The following RPS6KB2 variants were observed in gnomAD, a reference collection of about 807,000 sequenced individuals.
RPS6KB2 encodes ribosomal protein S6 kinase beta-2.
Under a neutral mutation model 58.2 loss-of-function variants are expected in RPS6KB2, and 51 were observed. The observed-to-expected ratio is 0.88, with a 90% CI of 0.70 to 1.11. The LOEUF (loss-of-function observed/expected upper bound fraction) is 1.11. Ranked by LOEUF, RPS6KB2 falls within the 50% of genes least tolerant of loss-of-function variation. RPS6KB2 has a pLI of 0.00. For synonymous variants in RPS6KB2, 293 were observed against 258.6 expected, an observed-to-expected ratio of 1.13 and a Z score of -1.28; for missense variants, 671 against 655.8, an observed-to-expected ratio of 1.02 and a Z score of -0.25.
chr11:67,428,565 T>C lies in RPS6KB2; in HGVS notation c.20T>C (p.Leu7Ser). 1.2e-6 allele frequency: 2 copies of C among 1,610,700 alleles called. No individual in the cohort carries two copies. Among genetic ancestry groups the C allele is most frequent in the East Asian group, 4.5e-5 (2 of 44,824 alleles). The change falls in exon 1 of 15, where the codon TTG becomes TCG. Residue 7 changes from leucine to serine, a missense_variant. Transcript: ENST00000312629. ...GCCGCCATGGCGGCCGTGTTTGATT[T>C]GGATTTGGAGACGGAGGAAGGCAGC... MAAVFD[L>S]DLETEEGSEG...
intron 1 of RPS6KB2, 103 bp downstream of exon 1, chr11:67,428,726 T>C (rs912182453): frequency 2.6e-6 from 3 of 1,134,346 alleles, no homozygotes; most frequent in Non-Finnish European, 2.5e-6. Context: ...TCCGACTCTT[T>C]GCAGACCCAG....
intron 4 of RPS6KB2, chr11:67,431,137 A>G (rs1864007552): frequency 2.9e-6 from 1 of 343,204 alleles, no homozygotes. Context: ...GGTTCAAGCG[A>G]TTCTCCTGCC....
intron 1 of RPS6KB2, 94 bp from the exon 2 acceptor site, chr11:67,428,888 C>A: frequency 6.9e-7 from 1 of 1,440,280 alleles, no homozygotes; most frequent in Non-Finnish European, 9.8e-7. Context: ...CCATCCCTGA[C>A]ACCCTTCTCT....
chr11:67,431,825 T>C (rs1198573494), intron 5 of RPS6KB2: 1 of 342,888 alleles, frequency 2.9e-6, no homozygotes, highest in Non-Finnish European at 5.5e-6. Flanking sequence ...TGTTCTTCTC[T>C]CCCGTGTGCC....
chr11:67,433,007 C>A lies in RPS6KB2; in HGVS notation c.672C>A (p.Ala224=). The A allele has an allele frequency of 6.2e-7, 1 of 1,613,422 alleles. No homozygotes were observed. The highest frequency in any genetic ancestry group is 1.7e-5 in the Admixed American group (1 of 60,026). The change falls in exon 8 of 15, where the codon GCC becomes GCA. Residue 224 remains alanine, a synonymous_variant. Coordinates refer to ENST00000312629, the MANE Select transcript of RPS6KB2 (RefSeq NM_003952.3). ...GLCKESIHEG[A]VTHTFCGTIE... ...GCAAGGAGTCTATCCATGAGGGCGC[C>A]GTCACTCACACCTTCTGCGGCACCA... is the stretch of plus-strand genomic sequence containing the variant.
chr11:67,430,638 TG>T (rs1434382490), intron 4 of RPS6KB2: 17 of 152,288 alleles, frequency 1.1e-4, no homozygotes, highest in African/African-American at 3.9e-4. Context: ...TTCACCATGT[TG>T]GTCAGGCTGG....
chr11:67,433,240 G>C, intron 9 of RPS6KB2, 24 bp downstream of exon 9: 2 of 1,607,390 alleles, frequency 1.2e-6, no homozygotes, highest in Non-Finnish European at 1.7e-6. Context: ...CCGGGGAGGA[G>C]GAGGGGCAGG....
At chr11:67,433,063 C>T (rs762563706) in intron 8 of RPS6KB2, 21 bp downstream of exon 8, 3 of 1,612,762 alleles carry the variant, frequency 1.9e-6, no homozygotes, top group East Asian at 2.2e-5. Flanking sequence ...CCTGGCTGGC[C>T]CAGGGGTCGG....
Position 67,434,298 on chromosome 11 carries a change from A to G in RPS6KB2, c.1047+23A>G, listed in dbSNP as rs544872934. Reference sequence around the variant, plus strand: ...CTGGTGAGCAGCAGGGCTGGTGGCCAGTGGCCGGTGGCGGGTGGCAAGTGG... The same window carrying G: ...CTGGTGAGCAGCAGGGCTGGTGGCCGGTGGCCGGTGGCGGGTGGCAAGTGG... On this transcript the variant is annotated intron_variant, in intron 12 of 14. Transcript: ENST00000312629. The G allele has an allele frequency of 5.5e-5, 88 of 1,612,498 alleles. No homozygotes were observed. In the South Asian group the frequency reaches 6.4e-4, roughly 12 times the overall value.
At chr11:67,432,503 A>T (rs1419491281) in intron 5 of RPS6KB2, 97 bp from the exon 6 acceptor site, 5 of 1,323,170 alleles carry the variant, frequency 3.8e-6, no homozygotes, top group Non-Finnish European at 5.4e-6. Context: ...GTAGGGCGGG[A>T]ATTATGAGCC....
At chr11:67,428,670 C>A in intron 1 of RPS6KB2, 47 bp downstream of exon 1, 1 of 1,550,982 alleles carries the variant, frequency 6.4e-7, no homozygotes, top group Non-Finnish European at 8.8e-7. Flanking sequence ...CCGATCCTGT[C>A]ACCCAGCCGA....
chr11:67,433,951 A>G (rs1369707900), intron 10 of RPS6KB2, 44 bp from the exon 11 acceptor site: 2 of 1,609,462 alleles, frequency 1.2e-6, no homozygotes, highest in Non-Finnish European at 1.7e-6. Context: ...GGGACACATG[A>G]GCAGTACTTG....
chr11:67,433,184 G>A lies in RPS6KB2; in HGVS notation c.766G>A (p.Gly256Arg). The A allele has an allele frequency of 6.2e-7, 1 of 1,605,712 alleles. No homozygotes were observed. The highest frequency in any genetic ancestry group is 8.5e-7 in the Non-Finnish European group (1 of 1,178,080). Residue 256 changes from glycine (G) to arginine (R), a missense_variant, in exon 9 of 15, where the codon GGG (glycine) becomes AGG (arginine). Gly to Arg is a moderately radical substitution (Grantham distance 125). Coordinates refer to ENST00000312629, the MANE Select transcript of RPS6KB2 (RefSeq NM_003952.3). Reference protein sequence around the residue: ...HNRAVDWWSLGALMYDMLTGS... With the variant: ...HNRAVDWWSLRALMYDMLTGS... ...CCGGGCTGTGGACTGGTGGAGCCTG[G>A]GGGCCCTGATGTACGACATGCTCAC... is the stretch of plus-strand genomic sequence containing the variant.
chr11:67,432,438 G>A lies in RPS6KB2; in HGVS notation c.458-162G>A, dbSNP rs11558386. On this transcript the variant is annotated intron_variant, in intron 5 of 14. Coordinates refer to ENST00000312629, the MANE Select transcript of RPS6KB2 (RefSeq NM_003952.3). ...GCACAGGGCCAGGCACCGAGTAGGC[G>A]TCGGTAGATGTTTGCTGAATTGAAT... The A allele has an allele frequency of 2.0e-4, 155 of 771,660 alleles. No individual in the cohort carries two copies. In the African/African-American group the frequency reaches 2.1e-3, roughly 10 times the overall value. The allele number at this position is 771,660 out of a possible 1,614,324, so 47.8% of individuals were successfully genotyped here.
chr11:67,434,802 G>A (rs998286913), intron 14 of RPS6KB2, 108 bp downstream of exon 14: 23 of 1,045,180 alleles, frequency 2.2e-5, no homozygotes, highest in Admixed American at 1.7e-4. Context: ...TGTTGGCTTC[G>A]GTTGCTGTGT....
rs886753948 is a variant in RPS6KB2 at position 67,434,249 on chromosome 11, G to A, written c.1021G>A (p.Val341Met). The A allele has an allele frequency of 5.0e-6, 8 of 1,613,674 alleles. No individual in the cohort carries two copies. In the Admixed American group the frequency reaches 5.0e-5, roughly 10 times the overall value. ...MNWDDLLAWRVDPPFRPCLQS... is the reference protein window; with the variant it reads ...MNWDDLLAWRMDPPFRPCLQS... ...TTGGGACGACCTTCTGGCCTGGCGT[G>A]TGGACCCCCCTTTCAGGCCCTGTCT... The change falls in exon 12 of 15, where the codon GTG becomes ATG. Residue 341 changes from valine (V) to methionine (M), a missense_variant. By Grantham distance (21) the Val-to-Met change is conservative. Coordinates refer to ENST00000312629, the MANE Select transcript of RPS6KB2 (RefSeq NM_003952.3).
At chr11:67,431,829 G>A (rs1014298969) in intron 5 of RPS6KB2, 16 of 334,972 alleles carry the variant, frequency 4.8e-5, no homozygotes, top group African/African-American at 8.6e-5. Flanking sequence ...CTTCTCTCCC[G>A]TGTGCCCTGC....
intron 5 of RPS6KB2, chr11:67,432,281 T>C: frequency 1.7e-6 from 1 of 595,792 alleles, no homozygotes; most frequent in Non-Finnish European, 3.2e-6. Flanking sequence ...CGAGATCTTT[T>C]GGGCTAAGCT....
chr11:67,428,515 G>A lies in RPS6KB2; in HGVS notation c.-31G>A, dbSNP rs376061064. ...TGTCAGTCAGTGCGCGGCCAGGTAC[G>A]GGCCGACGGGCCCGCGGGGCCGGCG... On this transcript the variant is annotated 5_prime_UTR_variant, in exon 1 of 15. Coordinates refer to ENST00000312629, the MANE Select transcript of RPS6KB2 (RefSeq NM_003952.3). The A allele has an allele frequency of 2.5e-6, 4 of 1,586,328 alleles. No homozygotes were observed. The highest frequency in any genetic ancestry group is 2.6e-6 in the Non-Finnish European group (3 of 1,164,300).
Sources: gnomAD v4.1 joint callset for allele counts on GRCh38, gnomAD v4.1.1 for gene constraint, MANE v1.5 for transcripts, NCBI Gene and HGNC (gene_info 2026-07-23, HGNC 2026-07-21) for gene names.